The following CDH20 variants were observed in gnomAD, a reference collection of about 807,000 sequenced individuals.
CDH20 encodes the protein cadherin 20.
Under a neutral mutation model 74.2 loss-of-function variants are expected in CDH20, and 29 were observed. The observed-to-expected ratio is 0.39, with a 90% confidence interval of 0.29 to 0.53. The LOEUF (loss-of-function observed/expected upper bound fraction) is 0.53, where lower values mean the gene tolerates loss of function less well. Among genes scored for constraint, CDH20 ranks in the 20% least tolerant of loss-of-function variants. The pLI is 0.69. For missense variants in CDH20, 988 were observed against 1,048.3 expected (o/e 0.94, Z 0.79); for synonymous variants, 469 against 405.4 (o/e 1.16, Z -1.88).
intron 1 of CDH20, among the ~76,000 whole-genome samples, chr18:61,344,979 A>G (rs911234302): frequency 6.6e-6 from 1 of 152,174 alleles, no homozygotes; most frequent in Non-Finnish European, 1.5e-5. Context: ...TTTGAAAACT[A>G]CTTTCTCTGC....
At chr18:61,516,011 T>G (rs1911990684) in intron 6 of CDH20, among the ~76,000 whole-genome samples, 1 of 151,690 alleles carries the variant, frequency 6.6e-6, no homozygotes, top group Non-Finnish European at 1.5e-5. Context: ...TCCCCTAAAG[T>G]ACAACATGGA....
intron 9 of CDH20, among the ~76,000 whole-genome samples, chr18:61,543,826 A>C (rs978771285): frequency 1.3e-5 from 2 of 152,170 alleles, no homozygotes; most frequent in African/African-American, 4.8e-5. Context: ...ATTCTTAAAT[A>C]GGGGCTTCTT....
rs148781517 is a variant in CDH20 at position 61,498,551 on chromosome 18, C to G, written c.247-635C>G. ...AGTCCCATCTAAAGGAGACACACAC[C>G]GATGTAAAGAATCATAACCAGCAGT... On this transcript the variant is annotated intron_variant, in intron 2 of 11. Transcript: ENST00000262717. Among the ~76,000 whole-genome samples, 456 of 152,238 alleles carry G rather than the reference C, an allele frequency of 3.0e-3. 5 individuals are homozygous for G. The highest frequency in any genetic ancestry group is 0.011 in the African/African-American group (442 of 41,528).
At chr18:61,462,734 G>A (rs56165136) in intron 1 of CDH20, among the ~76,000 whole-genome samples, 9 of 138,634 alleles carry the variant, frequency 6.5e-5, no homozygotes, top group South Asian at 4.9e-4. Flanking sequence ...AGGGGGGGGG[G>A]GCATCTAGGG....
chr18:61,498,227 C>T (rs1911239795), intron 2 of CDH20, among the ~76,000 whole-genome samples: 1 of 151,926 alleles, frequency 6.6e-6, no homozygotes, highest in Non-Finnish European at 1.5e-5. Context: ...TGGCCAAACC[C>T]CCACTCTACT....
chr18:61,507,350 C>T (rs201492573), intron 5 of CDH20, 23 bp from the exon 6 acceptor site: 64 of 1,600,228 alleles, frequency 4.0e-5, no homozygotes, highest in East Asian at 9.0e-5. Flanking sequence ...ATCAAGAATG[C>T]GTGTCCTGGC....
intron 1 of CDH20, among the ~76,000 whole-genome samples, chr18:61,419,283 T>C (rs886171508): frequency 3.9e-5 from 6 of 152,120 alleles, no homozygotes; most frequent in African/African-American, 1.4e-4. Context: ...CCCAGGCTGG[T>C]CTTAAACTCT....
intron 1 of CDH20, among the ~76,000 whole-genome samples, chr18:61,393,747 C>T (rs540496898): frequency 6.6e-6 from 1 of 152,204 alleles, no homozygotes; most frequent in South Asian, 2.1e-4. Flanking sequence ...TTTAGGTAAT[C>T]ATTTTCCTGA....
intron 1 of CDH20, among the ~76,000 whole-genome samples, chr18:61,337,813 C>T (rs190251113): frequency 1.2e-3 from 187 of 152,212 alleles, no homozygotes; most frequent in Middle Eastern, 6.8e-3. Flanking sequence ...AAGAACCATG[C>T]GTTCATTAGG....
intron 3 of CDH20, among the ~76,000 whole-genome samples, chr18:61,499,704 A>C (rs1043657133): frequency 3.3e-5 from 5 of 152,242 alleles, no homozygotes; most frequent in African/African-American, 1.2e-4. Flanking sequence ...AAGTAATAAT[A>C]ATAAGCCTAT....
intron 1 of CDH20, among the ~76,000 whole-genome samples, chr18:61,369,992 A>T (rs1910980363): frequency 6.6e-6 from 1 of 152,122 alleles, no homozygotes; most frequent in South Asian, 2.1e-4. Flanking sequence ...TGATGAAACA[A>T]TCTGTACAAC....
At chr18:61,387,569 C>T (rs539259828) in intron 1 of CDH20, among the ~76,000 whole-genome samples, 20 of 152,182 alleles carry the variant, frequency 1.3e-4, no homozygotes, top group Non-Finnish European at 2.4e-4. Flanking sequence ...GTGATAAGGA[C>T]GCATGTGATT....
intron 1 of CDH20, among the ~76,000 whole-genome samples, chr18:61,468,527 T>C (rs572445769): frequency 1.4e-4 from 21 of 152,358 alleles, no homozygotes; most frequent in Non-Finnish European, 2.4e-4. Context: ...TAAGCATATT[T>C]AATGCTGAGA....
chr18:61,460,824 G>T (rs1909740756), intron 1 of CDH20, among the ~76,000 whole-genome samples: 1 of 152,076 alleles, frequency 6.6e-6, no homozygotes, highest in Admixed American at 6.6e-5. Flanking sequence ...ATAATTAGAT[G>T]TCCTAGACAC....
At chr18:61,453,775 G>T (rs894591436) in intron 1 of CDH20, among the ~76,000 whole-genome samples, 1 of 152,158 alleles carries the variant, frequency 6.6e-6, no homozygotes, top group African/African-American at 2.4e-5. Flanking sequence ...AAACATTCGT[G>T]TACATATTTT....
intron 1 of CDH20, among the ~76,000 whole-genome samples, chr18:61,455,849 C>T (rs931021519): frequency 1.3e-5 from 2 of 152,200 alleles, no homozygotes; most frequent in Admixed American, 6.5e-5. Flanking sequence ...TCCTAAATGA[C>T]ATCAAAATGA....
chr18:61,465,995 G>A (rs1324864618), intron 1 of CDH20, among the ~76,000 whole-genome samples: 2 of 151,928 alleles, frequency 1.3e-5, no homozygotes, highest in East Asian at 1.9e-4. Context: ...AGGTGGTTGA[G>A]GCTGCAGTGA....
chr18:61,524,881 G>A (rs143658568), intron 6 of CDH20, among the ~76,000 whole-genome samples: 14 of 151,926 alleles, frequency 9.2e-5, no homozygotes, highest in Middle Eastern at 3.4e-3. Flanking sequence ...AGATTATGCC[G>A]CTGCACTCCA....
chr18:61,422,407 G>GA (rs1263678491), intron 1 of CDH20, among the ~76,000 whole-genome samples: 1 of 151,986 alleles, frequency 6.6e-6, no homozygotes, highest in Non-Finnish European at 1.5e-5. Flanking sequence ...GTTTTACTGG[G>GA]AAAAAATAAT....
Sources: allele counts gnomAD v4.1 joint callset (sites outside exome capture counted in the v4.1 genomes callset), GRCh38; gene constraint gnomAD v4.1.1; transcripts MANE v1.5; gene names NCBI Gene and HGNC (gene_info 2026-07-23, HGNC 2026-07-21).